Variants in NPAS3 observed in about 807,000 individuals in gnomAD.
NPAS3 encodes neuronal PAS domain protein 3, also known as neuronal PAS domain-containing protein 3.
In NPAS3, 14 loss-of-function variants were observed where a neutral mutation model predicts 73.1. That is an observed-to-expected ratio of 0.19 (90% CI 0.13 to 0.30). The LOEUF (loss-of-function observed/expected upper bound fraction) is 0.30. Ranked by LOEUF, NPAS3 falls within the 10% of genes least tolerant of loss-of-function variation. NPAS3 has a pLI of 1.00. For synonymous variants in NPAS3, 620 were observed against 541.5 expected (o/e 1.14, Z -2.01); for missense variants, 1,096 against 1,250.0 (o/e 0.88, Z 1.86).
At chr14:32,997,815 T>C (rs1159051812) in intron 1 of NPAS3, among the ~76,000 whole-genome samples, 1 of 151,952 alleles carries the variant, frequency 6.6e-6, no homozygotes, top group Non-Finnish European at 1.5e-5. Context: ...CCACCATGAT[T>C]GTGAGGCTTC....
intron 1 of NPAS3, among the ~76,000 whole-genome samples, chr14:32,987,877 T>G (rs1408215810): frequency 6.6e-6 from 1 of 152,174 alleles, no homozygotes; most frequent in Non-Finnish European, 1.5e-5. Flanking sequence ...ATACTTGGAT[T>G]AAGTACATAC....
intron 2 of NPAS3, among the ~76,000 whole-genome samples, chr14:33,123,747 A>G (rs2043319584): frequency 6.6e-6 from 1 of 152,044 alleles, no homozygotes; most frequent in South Asian, 2.1e-4. Context: ...ATTAACAGGT[A>G]AGTATATTCA....
chr14:33,693,822 AC>A (rs2060299502), intron 6 of NPAS3, among the ~76,000 whole-genome samples: 2 of 152,226 alleles, frequency 1.3e-5, no homozygotes, highest in Non-Finnish European at 2.9e-5. Context: ...AAAGTGAATA[AC>A]AAACAGGACT....
chr14:33,797,413 C>A, intron 10 of NPAS3, 44 bp from the exon 11 acceptor site: 1 of 1,600,728 alleles, frequency 6.2e-7, no homozygotes, highest in Non-Finnish European at 8.5e-7. Context: ...ACAAACCATG[C>A]AGAATGGGTG....
intron 5 of NPAS3, among the ~76,000 whole-genome samples, chr14:33,632,022 C>A (rs2140140322): frequency 1.3e-5 from 2 of 152,294 alleles, no homozygotes; most frequent in East Asian, 3.9e-4. Context: ...GAGACCTTGG[C>A]ATAGACATTA....
intron 4 of NPAS3, among the ~76,000 whole-genome samples, chr14:33,382,939 G>A (rs1309610236): frequency 6.6e-6 from 1 of 151,838 alleles, no homozygotes; most frequent in East Asian, 1.9e-4. Flanking sequence ...AAAATAAAAT[G>A]AGCCAGGTAT....
intron 1 of NPAS3, among the ~76,000 whole-genome samples, chr14:32,987,723 C>A (rs1279160625): frequency 1.3e-5 from 2 of 152,092 alleles, no homozygotes; most frequent in Non-Finnish European, 2.9e-5. Flanking sequence ...AAGACCAAAT[C>A]TTTGCTTTTA....
intron 6 of NPAS3, among the ~76,000 whole-genome samples, chr14:33,712,684 G>A (rs765664025): frequency 1.3e-5 from 2 of 152,152 alleles, no homozygotes; most frequent in South Asian, 2.1e-4. Context: ...GATATCACCA[G>A]GAAAGTGAAG....
chr14:33,577,791 A>G (rs117670494), intron 5 of NPAS3, among the ~76,000 whole-genome samples: 3,846 of 152,360 alleles, frequency 0.025, 65 homozygotes, highest in Non-Finnish European at 0.042. Flanking sequence ...TTAGGGACAG[A>G]GAAAATTAAA....
intron 6 of NPAS3, among the ~76,000 whole-genome samples, chr14:33,732,334 C>T (rs950681565): frequency 2.6e-5 from 4 of 152,298 alleles, no homozygotes; most frequent in East Asian, 1.9e-4. Flanking sequence ...ATCAAAATCA[C>T]GCCTCTCACG....
intron 7 of NPAS3, among the ~76,000 whole-genome samples, chr14:33,735,743 G>A (rs899396377): frequency 1.3e-5 from 2 of 150,244 alleles, no homozygotes; most frequent in South Asian, 2.1e-4. Context: ...AAGGCTGTCC[G>A]TTTTAATAAC....
Position 33,252,057 on chromosome 14 carries a change from CTGTGTGTGTGTGTG to C in NPAS3, c.385+36653_385+36666del, listed in dbSNP as rs3057325. Among the ~76,000 whole-genome samples the C allele has an allele frequency of 6.2e-5, 9 of 145,314 alleles. No homozygotes were observed. In the South Asian group the frequency reaches 8.9e-4, roughly 14 times the overall value. On this transcript the variant is annotated intron_variant, in intron 3 of 11. Coordinates refer to ENST00000356141, the Ensembl canonical transcript of NPAS3. The stretch of plus-strand genomic sequence containing the variant: ...CGTGGGTGTTTGCGTGTGTGTGTGT[CTGTGTGTGTGTGTG>C]TGTGTGTGTGTGTGTGTGTGTAATA...
chr14:33,668,850 G>A (rs2059531920), intron 5 of NPAS3, among the ~76,000 whole-genome samples: 1 of 151,978 alleles, frequency 6.6e-6, no homozygotes, highest in African/African-American at 2.4e-5. Context: ...TTAGAATCAG[G>A]GAAATATTTA....
intron 7 of NPAS3, among the ~76,000 whole-genome samples, chr14:33,761,385 T>C (rs1183843688): frequency 6.6e-6 from 1 of 152,186 alleles, no homozygotes; most frequent in Non-Finnish European, 1.5e-5. Context: ...AGCAGGGCAC[T>C]GATTACTTCA....
At chr14:33,069,573 G>C (rs2041410364) in intron 2 of NPAS3, among the ~76,000 whole-genome samples, 3 of 152,142 alleles carry the variant, frequency 2.0e-5, no homozygotes, top group Admixed American at 2.0e-4. Context: ...TCTTGAACAA[G>C]TTACTTAAGC....
At chr14:33,102,842 G>T (rs1011094200) in intron 2 of NPAS3, among the ~76,000 whole-genome samples, 5 of 152,152 alleles carry the variant, frequency 3.3e-5, no homozygotes, top group African/African-American at 9.7e-5. Context: ...TAATTATTTA[G>T]AAGTTTCTGG....
chr14:33,044,136 A>G (rs2040428460), intron 1 of NPAS3, among the ~76,000 whole-genome samples: 1 of 152,240 alleles, frequency 6.6e-6, no homozygotes, highest in Non-Finnish European at 1.5e-5. Context: ...TAAAAACTGA[A>G]AAGATGATTT....
chr14:32,962,531 G>A (rs1039443358), intron 1 of NPAS3, among the ~76,000 whole-genome samples: 4 of 150,664 alleles, frequency 2.7e-5, no homozygotes, highest in Admixed American at 2.6e-4. Context: ...ACAAATCTTT[G>A]GGGGGTAGCT....
Position 33,180,315 on chromosome 14 carries a change from C to T in NPAS3, c.141-34867C>T, listed in dbSNP as rs2045744873. ...CCTTGGTTCGCCACTTCTGAATTCT[C>T]CCATAGCATCCTATACTTACCTGTC... is the stretch of plus-strand genomic sequence containing the variant. On this transcript the variant is annotated intron_variant, in intron 2 of 11. Coordinates refer to ENST00000356141, the Ensembl canonical transcript of NPAS3. 2.0e-5 allele frequency among the ~76,000 whole-genome samples: 3 copies of T among 152,052 alleles called. No homozygotes were observed. In the South Asian group the frequency reaches 6.2e-4, roughly 31 times the overall value.
Sources: gnomAD v4.1 joint callset for allele counts (sites outside exome capture counted in the v4.1 genomes callset) on GRCh38, gnomAD v4.1.1 for gene constraint, MANE v1.5 for transcripts, NCBI Gene and HGNC (gene_info 2026-07-23, HGNC 2026-07-21) for gene names.